The following AGFG1 variants were observed in gnomAD, a reference collection of about 807,000 sequenced individuals.
AGFG1 encodes the protein ArfGAP with FG repeats 1, also known as arf-GAP domain and FG repeat-containing protein 1.
In AGFG1, 10 loss-of-function variants were observed where a neutral mutation model predicts 60.6. The observed-to-expected ratio is 0.16, with a 90% confidence interval of 0.10 to 0.28. The LOEUF (loss-of-function observed/expected upper bound fraction) is 0.28. Among genes scored for constraint, AGFG1 ranks in the 10% least tolerant of loss-of-function variants. The pLI, the probability that AGFG1 is intolerant of heterozygous loss-of-function variation, is 1.00. For synonymous variants in AGFG1, 247 were observed against 242.9 expected, an observed-to-expected ratio of 1.02 and a Z score of -0.16; for missense variants, 537 against 676.5, an observed-to-expected ratio of 0.79 and a Z score of 2.29.
chr2:227,526,632 T>C (rs1322304458), intron 5 of AGFG1, among the ~76,000 whole-genome samples: 1 of 145,636 alleles, frequency 6.9e-6, no homozygotes, highest in Admixed American at 7.1e-5. Flanking sequence ...AACCTCTGCC[T>C]CCCGGGTTCA....
chr2:227,523,740 TAAC>T lies in AGFG1; in HGVS notation c.378-22_378-20del. Reference sequence around the variant, plus strand: ...AGAATTACCTACATTTTTTTTTAGTTAACTGTTTTTTACATGTTTTAGGTATGT... The same window carrying T: ...AGAATTACCTACATTTTTTTTTAGTTTGTTTTTTACATGTTTTAGGTATGT... On this transcript the variant is annotated intron_variant, in intron 3 of 12. Transcript: ENST00000310078. 6.3e-7 allele frequency: 1 copy of T among 1,583,674 alleles called. No individual in the cohort carries two copies.
Position 227,524,858 on chromosome 2 carries a change from C to G in AGFG1, c.637C>G (p.Pro213Ala). The change falls in exon 5 of 13, where the codon CCT (proline) becomes GCT (alanine). Residue 213 changes from proline (P) to alanine (A), a missense_variant. Physicochemically the swap from Pro to Ala is conservative, Grantham distance 27. Coordinates refer to ENST00000310078, the MANE Select transcript of AGFG1 (RefSeq NM_004504.5). ...LGSDIFAAPA[P>A]QSTATANFAN... ...CTCAGACATCTTTGCTGCTCCAGCT[C>G]CTCAGTCAACAGCTACAGCCAATTT... is the stretch of plus-strand genomic sequence containing the variant. 1.2e-6 allele frequency: 2 copies of G among 1,614,130 alleles called. No homozygotes were observed. Among genetic ancestry groups the G allele is most frequent in the Non-Finnish European group, 8.5e-7 (1 of 1,179,992 alleles).
intron 10 of AGFG1, among the ~76,000 whole-genome samples, chr2:227,538,081 T>C (rs1002072314): frequency 3.3e-5 from 5 of 152,254 alleles, no homozygotes; most frequent in Non-Finnish European, 5.9e-5. Context: ...ATGATTGTTT[T>C]AAATTTCCAT....
rs886513755 is a variant in AGFG1, at chr2:227,558,557, G to T, written c.*4062G>T. The T allele has an allele frequency of 1.3e-5, 2 of 151,896 alleles. No homozygotes were observed. Among genetic ancestry groups the T allele is most frequent in the Non-Finnish European group, 1.5e-5 (1 of 67,964 alleles). 9.4% of individuals were successfully genotyped at this position (151,896 alleles called of 1,614,324 possible). On this transcript the variant is annotated 3_prime_UTR_variant, in exon 13 of 13. Coordinates refer to ENST00000310078, the MANE Select transcript of AGFG1 (RefSeq NM_004504.5). Reference sequence around the variant, plus strand: ...ACTTTTAAAATTTATTTTTTAAAAGGTGATATTAAAATTTGTATTTAACCT... The same window carrying T: ...ACTTTTAAAATTTATTTTTTAAAAGTTGATATTAAAATTTGTATTTAACCT...
intron 10 of AGFG1, among the ~76,000 whole-genome samples, chr2:227,540,981 G>T (rs1022342118): frequency 1.3e-5 from 2 of 152,222 alleles, no homozygotes; most frequent in Non-Finnish European, 2.9e-5. Context: ...TCTGTTGGCT[G>T]CATAAATGTT....
chr2:227,472,605 C>A lies in AGFG1; in HGVS notation c.167+17C>A. Reference sequence around the variant, plus strand: ...CGGCAGCCTGTGAGTGCGGGGCGGCCGGGCGGGTGTCGGGCCCTTCCCGGG... The same window carrying A: ...CGGCAGCCTGTGAGTGCGGGGCGGCAGGGCGGGTGTCGGGCCCTTCCCGGG... On this transcript the variant is annotated intron_variant, in intron 1 of 12. Coordinates refer to ENST00000310078, the MANE Select transcript of AGFG1 (RefSeq NM_004504.5). 6.5e-7 allele frequency: 1 copy of A among 1,542,674 alleles called. No homozygotes were observed.
At chr2:227,540,035 C>T (rs909775591) in intron 10 of AGFG1, among the ~76,000 whole-genome samples, 5 of 151,996 alleles carry the variant, frequency 3.3e-5, no homozygotes, top group Non-Finnish European at 7.3e-5. Context: ...GGGGTTTTGC[C>T]ATGTTGACCA....
In AGFG1 at chr2:227,532,279, C is replaced by T. The variant is rs986730714; in HGVS notation, c.814+1069C>T. 13 of 1,182,534 alleles carry T rather than the reference C, an allele frequency of 1.1e-5. No homozygotes were observed. In the African/African-American group the frequency reaches 2.0e-4, roughly 19 times the overall value. 73.3% of individuals were successfully genotyped at this position (1,182,534 alleles called of 1,614,324 possible). ...TTTTGCTATACTTCAAGGGTTTTTC[C>T]AGTTATAGATTGTTAATAATTCTTT... On this transcript the variant is annotated intron_variant, in intron 6 of 12. Coordinates refer to ENST00000310078, the MANE Select transcript of AGFG1 (RefSeq NM_004504.5).
At chr2:227,548,105 G>A (rs574578468) in intron 10 of AGFG1, among the ~76,000 whole-genome samples, 8 of 152,200 alleles carry the variant, frequency 5.3e-5, no homozygotes, top group Non-Finnish European at 1.0e-4. Context: ...CATATTTGTG[G>A]TGGCCATTTG....
At chr2:227,496,871 C>T (rs1293978324) in intron 2 of AGFG1, among the ~76,000 whole-genome samples, 1 of 152,052 alleles carries the variant, frequency 6.6e-6, no homozygotes, top group Non-Finnish European at 1.5e-5. Flanking sequence ...AGCATACTGT[C>T]ATGTCATTTA....
At chr2:227,531,026 G>A in intron 5 of AGFG1, 65 bp from the exon 6 acceptor site, 17 of 1,388,242 alleles carry the variant, frequency 1.2e-5, no homozygotes, top group Middle Eastern at 1.8e-4. Context: ...TTAAACTCAT[G>A]TGTCATGTAT....
At chr2:227,524,677 G>C in intron 4 of AGFG1, 85 bp from the exon 5 acceptor site, 1 of 1,390,914 alleles carries the variant, frequency 7.2e-7, no homozygotes, top group Non-Finnish European at 1.0e-6. Flanking sequence ...GTATGTATAA[G>C]TGTGTTTTAA....
At chr2:227,520,933 C>T (rs112844736) in intron 3 of AGFG1, among the ~76,000 whole-genome samples, 63 of 152,302 alleles carry the variant, frequency 4.1e-4, no homozygotes, top group Non-Finnish European at 7.2e-4. Flanking sequence ...CTGTTCAGAG[C>T]CTGTTTTGGT....
chr2:227,489,497 C>T (rs1356794514), intron 1 of AGFG1, among the ~76,000 whole-genome samples: 1 of 152,118 alleles, frequency 6.6e-6, no homozygotes, highest in Non-Finnish European at 1.5e-5. Flanking sequence ...ACTGAGATTA[C>T]AGGTGTGAGC....
At chr2:227,535,378 T>C (rs1047282254) in intron 8 of AGFG1, among the ~76,000 whole-genome samples, 3 of 152,208 alleles carry the variant, frequency 2.0e-5, no homozygotes, top group Non-Finnish European at 4.4e-5. Flanking sequence ...GTCATGATGA[T>C]TAAACAGTGA....
At chr2:227,525,214 G>A (rs1691955774) in intron 5 of AGFG1, among the ~76,000 whole-genome samples, 2 of 152,028 alleles carry the variant, frequency 1.3e-5, no homozygotes, top group South Asian at 4.1e-4. Flanking sequence ...ATACTCTAAC[G>A]TTTATGTGCT....
intron 6 of AGFG1, chr2:227,532,237 T>C: frequency 6.7e-7 from 1 of 1,502,616 alleles, no homozygotes; most frequent in African/African-American, 1.4e-5. Context: ...GTAGGCATCT[T>C]ATACTAATTT....
At chr2:227,549,293 T>C (rs1692749655) in intron 10 of AGFG1, among the ~76,000 whole-genome samples, 1 of 152,212 alleles carries the variant, frequency 6.6e-6, no homozygotes, top group Non-Finnish European at 1.5e-5. Context: ...TTAAAAAGTA[T>C]TCTAATTTTA....
At chr2:227,489,321 C>T (rs1690732485) in intron 1 of AGFG1, among the ~76,000 whole-genome samples, 1 of 146,690 alleles carries the variant, frequency 6.8e-6, no homozygotes, top group Non-Finnish European at 1.5e-5. Flanking sequence ...ACTTCCGCCT[C>T]CTGGGGTCAA....
Sources: gnomAD v4.1 joint callset for allele counts (sites outside exome capture counted in the v4.1 genomes callset) on GRCh38, gnomAD v4.1.1 for gene constraint, MANE v1.5 for transcripts, NCBI Gene and HGNC (gene_info 2026-07-23, HGNC 2026-07-21) for gene names.